The following ASIC2 variants were observed in gnomAD, a reference collection of about 807,000 sequenced individuals.
ASIC2 encodes the protein acid-sensing ion channel 2.
A neutral mutation model predicts 57.3 loss-of-function variants in ASIC2; 25 were observed. The ratio of observed to expected loss-of-function variants is 0.44; its 90% CI spans 0.32 to 0.61. The LOEUF is 0.61. Among genes scored for constraint, ASIC2 ranks in the 20% least tolerant of loss-of-function variants. ASIC2 has a pLI of 0.06. For synonymous variants in ASIC2, 319 were observed against 307.5 expected (o/e 1.04, Z -0.39); for missense variants, 641 against 738.1 (o/e 0.87, Z 1.52).
Position 33,515,176 on chromosome 17 carries a change from C to T in ASIC2, c.556-403109G>A, listed in dbSNP as rs73273279. Among the ~76,000 whole-genome samples the T allele has an allele frequency of 9.3e-3, 1,410 of 152,316 alleles. 19 individuals are homozygous for T. Among genetic ancestry groups the T allele is most frequent in the African/African-American group, 0.031 (1,303 of 41,560 alleles). ...AGTGCACAGGGCAGAGGAATTGCTC[C>T]GTCGCTGTTCCTGAAGCTCTGGGGT... On this transcript the variant is annotated intron_variant, in intron 1 of 9. Coordinates refer to the ASIC2 transcript ENST00000359872.
Position 33,181,834 on chromosome 17 carries a change from C to T in ASIC2, c.709-69767G>A, listed in dbSNP as rs145771995. ...CCCAATTTGAATCCCAAGAAACAAA[C>T]GAACAAAAACCACACCCCCAGCCTG... On this transcript the variant is annotated intron_variant, in intron 1 of 9. Transcript: ENST00000225823. Among the ~76,000 whole-genome samples, 979 of 152,226 alleles carry T rather than the reference C, an allele frequency of 6.4e-3. 15 individuals are homozygous for T. The highest frequency in any genetic ancestry group is 0.019 in the African/African-American group (790 of 41,532).
intron 1 of ASIC2, among the ~76,000 whole-genome samples, chr17:33,263,204 CA>C (rs1428977521): frequency 2.6e-5 from 4 of 152,178 alleles, no homozygotes; most frequent in Non-Finnish European, 4.4e-5. Flanking sequence ...GGGACCTCTA[CA>C]GTGGCAGATG....
At chr17:33,846,366 T>G (rs983951502) in intron 1 of ASIC2, among the ~76,000 whole-genome samples, 1 of 152,172 alleles carries the variant, frequency 6.6e-6, no homozygotes, top group African/African-American at 2.4e-5. Context: ...TTGCTTCACC[T>G]GCCCAGTTCT....
chr17:33,773,204 G>T (rs983344553), intron 1 of ASIC2, among the ~76,000 whole-genome samples: 2 of 150,884 alleles, frequency 1.3e-5, no homozygotes, highest in Non-Finnish European at 3.0e-5. Context: ...ATGACACTAA[G>T]AATTCAACTA....
intron 1 of ASIC2, chr17:34,069,960 G>T (rs1457185236): frequency 6.6e-6 from 1 of 152,010 alleles, no homozygotes; most frequent in East Asian, 1.9e-4. Context: ...TTTATTCCAT[G>T]GTGATAATCA....
At position 33,300,125 on chromosome 17, in the gene ASIC2, C is replaced by CA. The variant is rs375874294; in HGVS notation, c.556-188059dup. ...GTTTCTCCACCCCATCCCCAGCCCC[C>CA]ACAGCCACCCAGTTTTCCTCCCTGG... On this transcript the variant is annotated intron_variant, in intron 1 of 9. Transcript: ENST00000359872. Among the ~76,000 whole-genome samples, 166 of 152,326 alleles carry CA rather than the reference C, an allele frequency of 1.1e-3. 1 individual carries two copies. The highest frequency in any genetic ancestry group is 4.0e-3 in the African/African-American group (165 of 41,572).
In ASIC2 at chr17:34,121,835, T is replaced by C. The variant is rs184500800; in HGVS notation, c.555+34143A>G. Among the ~76,000 whole-genome samples the C allele has an allele frequency of 1.3e-3, 203 of 152,368 alleles. No homozygotes were observed. In the Middle Eastern group the frequency reaches 0.024, roughly 18 times the overall value. On this transcript the variant is annotated intron_variant, in intron 1 of 9. Coordinates refer to the ASIC2 transcript ENST00000359872. ...AGGAACTTCACATATTATCATCTTC[T>C]ACCTGGCTTCTCTTGTTCACATAAC...
intron 1 of ASIC2, among the ~76,000 whole-genome samples, chr17:33,183,309 T>TA (rs1309452517): frequency 6.6e-6 from 1 of 152,234 alleles, no homozygotes; most frequent in African/African-American, 2.4e-5. Flanking sequence ...AAATGTTATA[T>TA]AAATTACCAA....
intron 1 of ASIC2, among the ~76,000 whole-genome samples, chr17:33,791,239 T>C (rs1290232040): frequency 1.3e-5 from 2 of 152,088 alleles, no homozygotes; most frequent in Non-Finnish European, 2.9e-5. Context: ...CAGGCAAGAA[T>C]CCTCATAAAC....
Position 33,013,769 on chromosome 17 carries a change from C to A in ASIC2, c.*196G>T. On this transcript the variant is annotated 3_prime_UTR_variant, in exon 10 of 10. Transcript: ENST00000225823. ...TGTGACTCATCTCTCCTAAGAGGGA[C>A]GCACGGCGGGGCCCAAGGATGCGTC... The A allele has an allele frequency of 3.3e-6, 2 of 609,416 alleles. No individual in the cohort carries two copies. The highest frequency in any genetic ancestry group is 3.9e-5 in the South Asian group (2 of 51,102). 37.8% of individuals were successfully genotyped at this position (609,416 alleles called of 1,614,324 possible).
At chr17:33,282,479 G>GTGTGTGCGCT (rs1555592667) in intron 1 of ASIC2, among the ~76,000 whole-genome samples, 2 of 147,018 alleles carry the variant, frequency 1.4e-5, no homozygotes, top group Non-Finnish European at 3.0e-5. Flanking sequence ...GTGTGTGCTT[G>GTGTGTGCGCT]TGTGTGTGTG....
intron 1 of ASIC2, among the ~76,000 whole-genome samples, chr17:33,756,733 A>G (rs187328692): frequency 2.1e-4 from 32 of 152,280 alleles, no homozygotes; most frequent in African/African-American, 7.7e-4. Flanking sequence ...TCTTCAAGGT[A>G]AAGTGACAGC....
At chr17:33,271,766 C>T (rs1303758381) in intron 1 of ASIC2, among the ~76,000 whole-genome samples, 1 of 152,228 alleles carries the variant, frequency 6.6e-6, no homozygotes, top group Non-Finnish European at 1.5e-5. Flanking sequence ...TTCTTATCCA[C>T]ACTCATCCAG....
At chr17:33,063,495 T>C (rs2092029488) in intron 3 of ASIC2, among the ~76,000 whole-genome samples, 1 of 152,058 alleles carries the variant, frequency 6.6e-6, no homozygotes, top group African/African-American at 2.4e-5. Flanking sequence ...TGGCCCCCCC[T>C]CTCTTCTGGC....
intron 1 of ASIC2, among the ~76,000 whole-genome samples, chr17:33,647,259 G>A (rs760747121): frequency 1.1e-4 from 16 of 152,188 alleles, no homozygotes; most frequent in Non-Finnish European, 1.6e-4. Context: ...AAGTGGTAGC[G>A]TATGTCAAGG....
At chr17:33,158,260 G>C (rs768055652) in intron 1 of ASIC2, among the ~76,000 whole-genome samples, 1 of 151,500 alleles carries the variant, frequency 6.6e-6, no homozygotes, top group African/African-American at 2.4e-5. Context: ...GCGCATAGGA[G>C]GTGCTCAGCA....
chr17:33,213,769 T>C (rs1272163059), intron 1 of ASIC2, among the ~76,000 whole-genome samples: 2 of 152,152 alleles, frequency 1.3e-5, no homozygotes, highest in African/African-American at 4.8e-5. Context: ...TCTTAGTTTG[T>C]GTCTCTGGAA....
chr17:33,846,094 T>C (rs1265697029), intron 1 of ASIC2, among the ~76,000 whole-genome samples: 1 of 152,146 alleles, frequency 6.6e-6, no homozygotes. Context: ...AGACACTGGA[T>C]ATAAACAAAA....
intron 1 of ASIC2, among the ~76,000 whole-genome samples, chr17:33,751,401 A>AC (rs143751269): frequency 0.33 from 50,043 of 151,924 alleles, 10,419 homozygotes; most frequent in Non-Finnish European, 0.49. Context: ...ACCTTCTAGA[A>AC]TAAACAGAAA....
Sources: allele counts gnomAD v4.1 joint callset (sites outside exome capture counted in the v4.1 genomes callset), GRCh38; gene constraint gnomAD v4.1.1; transcripts MANE v1.5; gene names NCBI Gene and HGNC (gene_info 2026-07-23, HGNC 2026-07-21).